SLC9B1: variants seen among roughly 807,000 people sequenced by gnomAD.
The protein encoded by SLC9B1 is solute carrier family 9 member B1.
SLC9B1 carries 32 observed loss-of-function variants against 51.7 expected under a neutral mutation model. The observed-to-expected ratio is 0.62, with a 90% CI of 0.47 to 0.83. The LOEUF (loss-of-function observed/expected upper bound fraction) is 0.83, where lower values mean the gene tolerates loss of function less well. Ranked by LOEUF, SLC9B1 falls within the 40% of genes least tolerant of loss-of-function variation. The pLI is 0.00. For missense variants in SLC9B1, 406 were observed against 613.2 expected (o/e 0.66, Z 3.57); for synonymous variants, 145 against 212.7 (o/e 0.68, Z 2.77).
intron 3 of SLC9B1, among the ~76,000 whole-genome samples, chr4:102,973,585 T>C (rs1578392676): frequency 2.0e-5 from 3 of 152,300 alleles, no homozygotes; most frequent in African/African-American, 7.2e-5. Context: ...AGAATATATA[T>C]ACTTTGAAGC....
At chr4:102,965,497 G>A (rs1738374972) in intron 3 of SLC9B1, among the ~76,000 whole-genome samples, 1 of 152,244 alleles carries the variant, frequency 6.6e-6, no homozygotes, top group Admixed American at 6.5e-5. Context: ...ACTATATGAG[G>A]ACTGCACCAA....
intron 6 of SLC9B1, among the ~76,000 whole-genome samples, chr4:102,936,092 C>A (rs759250533): frequency 1.4e-4 from 21 of 152,174 alleles, no homozygotes; most frequent in Non-Finnish European, 2.8e-4. Flanking sequence ...GACAACAAAT[C>A]TGTGGGTATG....
In SLC9B1 at chr4:102,916,335, G is replaced by A. The variant is rs533227290; in HGVS notation, c.830-4798C>T. ...GTTTAAGTCAAATAATAGCACAAGA[G>A]ACAAGGATATTACATAATAATAAAA... On this transcript the variant is annotated intron_variant, in intron 7 of 11. Transcript: ENST00000296422. 2.4e-3 allele frequency among the ~76,000 whole-genome samples: 364 copies of A among 152,104 alleles called. 2 individuals are homozygous for A. Among genetic ancestry groups the A allele is most frequent in the African/African-American group, 8.3e-3 (346 of 41,502 alleles).
At chr4:102,923,852 A>T (rs1348709587) in intron 7 of SLC9B1, among the ~76,000 whole-genome samples, 1 of 152,212 alleles carries the variant, frequency 6.6e-6, no homozygotes, top group Non-Finnish European at 1.5e-5. Flanking sequence ...CTTACAAGGG[A>T]AATGAAGGAC....
intron 7 of SLC9B1, among the ~76,000 whole-genome samples, chr4:102,923,693 C>CTGA (rs202160982): frequency 0.55 from 82,256 of 150,720 alleles, 22,997 homozygotes; most frequent in African/African-American, 0.68. Context: ...TCTCCTTAAG[C>CTGA]TAAGCAACTT....
intron 3 of SLC9B1, among the ~76,000 whole-genome samples, chr4:102,968,618 A>G (rs1738559672): frequency 6.6e-6 from 1 of 152,248 alleles, no homozygotes; most frequent in African/African-American, 2.4e-5. Context: ...CAACTGACGT[A>G]GAAGACAGGT....
At chr4:103,007,153 G>A (rs1000026364) in intron 1 of SLC9B1, among the ~76,000 whole-genome samples, 3 of 152,106 alleles carry the variant, frequency 2.0e-5, no homozygotes, top group Admixed American at 1.3e-4. Context: ...AGAAAGAAAA[G>A]GCATCCAAGT....
At chr4:102,962,247 T>A (rs920711659) in intron 3 of SLC9B1, 10 of 539,230 alleles carry the variant, frequency 1.9e-5, no homozygotes, top group Non-Finnish European at 3.4e-5. Flanking sequence ...TTGAGGGGAG[T>A]TGATGACCTT....
At chr4:103,002,214 C>T (rs1740560929) in intron 1 of SLC9B1, among the ~76,000 whole-genome samples, 1 of 152,158 alleles carries the variant, frequency 6.6e-6, no homozygotes, top group Non-Finnish European at 1.5e-5. Flanking sequence ...TCAGGCATAC[C>T]TTACCATTTC....
intron 6 of SLC9B1, among the ~76,000 whole-genome samples, chr4:102,940,366 A>C (rs1736929808): frequency 6.6e-6 from 1 of 152,226 alleles, no homozygotes; most frequent in Non-Finnish European, 1.5e-5. Context: ...CAACAGAAAC[A>C]AAAGGAAAAC....
chr4:102,949,505 T>A, intron 3 of SLC9B1, 78 bp from the exon 4 acceptor site: 1 of 1,161,138 alleles, frequency 8.6e-7, no homozygotes, highest in Non-Finnish European at 1.2e-6. Flanking sequence ...TTCTCTTTTA[T>A]CATATATACT....
chr4:102,975,255 C>A (rs1268755165), intron 3 of SLC9B1, among the ~76,000 whole-genome samples: 1 of 152,118 alleles, frequency 6.6e-6, no homozygotes, highest in Non-Finnish European at 1.5e-5. Context: ...ATGATTCTTC[C>A]ACCTTGGTGC....
At chr4:102,949,978 AT>A (rs1443359069) in intron 3 of SLC9B1, among the ~76,000 whole-genome samples, 1 of 152,158 alleles carries the variant, frequency 6.6e-6, no homozygotes, top group Non-Finnish European at 1.5e-5. Flanking sequence ...AAATAAAAAA[AT>A]AAAAAAAACC....
At chr4:102,946,349 C>G (rs1270569176) in intron 5 of SLC9B1, among the ~76,000 whole-genome samples, 1 of 152,006 alleles carries the variant, frequency 6.6e-6, no homozygotes, top group East Asian at 1.9e-4. Flanking sequence ...CTCGCTCTGT[C>G]CCCCAGGCTG....
chr4:102,954,011 G>A (rs1332872122), intron 3 of SLC9B1, among the ~76,000 whole-genome samples: 45 of 39,908 alleles, frequency 1.1e-3, no homozygotes, highest in African/African-American at 7.8e-3. Context: ...ACACTATGTT[G>A]AATAGGAGCG....
At position 102,985,592 on chromosome 4, in the gene SLC9B1, C is replaced by T. The variant is rs191043385; in HGVS notation, c.211+4208G>A. ...AGGCTGGAGTGCAGCGGTGTGATCT[C>T]GGCTCACTGCAACCTCCGTCTCCTG... On this transcript the variant is annotated intron_variant, in intron 3 of 11. Transcript: ENST00000296422. Among the ~76,000 whole-genome samples the T allele has an allele frequency of 6.6e-5, 10 of 150,974 alleles. No individual in the cohort carries two copies. The East Asian group carries it at 7.8e-4, about 12-fold the overall frequency.
chr4:102,975,555 A>G (rs181914165), intron 3 of SLC9B1, among the ~76,000 whole-genome samples: 5 of 131,692 alleles, frequency 3.8e-5, no homozygotes, highest in Admixed American at 1.6e-4. Context: ...ATCTATAATG[A>G]TTATATATAC....
At chr4:103,017,002 T>A (rs1014480952) in intron 1 of SLC9B1, 13 of 152,118 alleles carry the variant, frequency 8.5e-5, no homozygotes, top group African/African-American at 2.9e-4. Context: ...AATGTAAAAA[T>A]TAAGGTAAGC....
At chr4:103,003,967 T>G (rs530478729) in intron 1 of SLC9B1, among the ~76,000 whole-genome samples, 37 of 152,154 alleles carry the variant, frequency 2.4e-4, no homozygotes, top group Non-Finnish European at 4.0e-4. Context: ...ACAACTTAAA[T>G]GTTGAAGGAA....
Sources: allele counts gnomAD v4.1 joint callset (sites outside exome capture counted in the v4.1 genomes callset), GRCh38; gene constraint gnomAD v4.1.1; transcripts MANE v1.5; gene names NCBI Gene and HGNC (gene_info 2026-07-23, HGNC 2026-07-21).